CACNA1C: variants seen among roughly 807,000 people sequenced by gnomAD.
The protein encoded by CACNA1C is voltage-dependent L-type calcium channel subunit alpha-1C.
Under a neutral mutation model 229.0 loss-of-function variants are expected in CACNA1C, and 30 were observed. That is an observed-to-expected ratio of 0.13 (90% confidence interval 0.10 to 0.18). The LOEUF (loss-of-function observed/expected upper bound fraction) is 0.18, where lower values mean the gene tolerates loss of function less well. CACNA1C is among the 10% of genes least tolerant of loss of function. The pLI, the probability that CACNA1C is intolerant of heterozygous loss-of-function variation, is 1.00. For missense variants in CACNA1C, 1,658 were observed against 2,845.0 expected, an observed-to-expected ratio of 0.58 and a Z score of 9.49; for synonymous variants, 1,114 against 1,132.5, an observed-to-expected ratio of 0.98 and a Z score of 0.33.
At chr12:2,540,349 C>T (rs953304048) in intron 9 of CACNA1C, among the ~76,000 whole-genome samples, 9 of 151,950 alleles carry the variant, frequency 5.9e-5, no homozygotes, top group African/African-American at 1.9e-4. Context: ...AAATTCTCAC[C>T]GACTCCGGAG....
intron 1 of CACNA1C, among the ~76,000 whole-genome samples, chr12:2,100,356 A>G (rs1303969832): frequency 6.8e-6 from 1 of 146,834 alleles, no homozygotes; most frequent in East Asian, 2.1e-4. Context: ...TGAGGAAGGA[A>G]TTCCTTGAAG....
intron 3 of CACNA1C, among the ~76,000 whole-genome samples, chr12:2,322,825 G>A (rs914621680): frequency 9.2e-5 from 14 of 152,240 alleles, no homozygotes; most frequent in Non-Finnish European, 1.2e-4. Context: ...TACCTTGGAA[G>A]TTAAGTGGGT....
At chr12:2,171,292 G>C (rs1011177376) in intron 3 of CACNA1C, among the ~76,000 whole-genome samples, 3 of 152,104 alleles carry the variant, frequency 2.0e-5, no homozygotes, top group African/African-American at 7.2e-5. Flanking sequence ...ATTAAGCCTT[G>C]GACCTTTGTT....
intron 3 of CACNA1C, among the ~76,000 whole-genome samples, chr12:2,401,604 C>A (rs992279903): frequency 1.6e-4 from 25 of 152,222 alleles, no homozygotes; most frequent in African/African-American, 5.3e-4. Flanking sequence ...GCCAGACTGG[C>A]TGGTGTGATT....
In CACNA1C at chr12:2,053,254, T is replaced by G. The variant is rs917105761; in HGVS notation, c.-309T>G. ...TCTCGCCCTGCCTCTCCCGATTTAT[T>G]TTTTCAAATGGTGTAGCCGCCGGAG... is the stretch of plus-strand genomic sequence containing the variant. On this transcript the variant is annotated 5_prime_UTR_variant, in exon 1 of 47. The change creates a new upstream start codon in the 5' untranslated region. Transcript: ENST00000399655. The surrounding 1 kb of genome is among the most constrained non-coding windows in gnomAD (Gnocchi z 5.8). 1.7e-5 allele frequency: 18 copies of G among 1,067,384 alleles called. 1 individual carries two copies. The African/African-American group carries it at 2.7e-4, about 16-fold the overall frequency. 66.1% of individuals were successfully genotyped at this position (1,067,384 alleles called of 1,614,324 possible). A position where few individuals can be genotyped will look rare whatever the true frequency, so the allele number is the denominator to read the frequency against.
In CACNA1C at chr12:2,319,306, G is replaced by A. The variant is rs1308896870; in HGVS notation, c.478-129670G>A. Among the ~76,000 whole-genome samples, 4 of 151,990 alleles carry A rather than the reference G, an allele frequency of 2.6e-5. No homozygotes were observed. Among genetic ancestry groups the A allele is most frequent in the Admixed American group, 6.6e-5 (1 of 15,264 alleles). On this transcript the variant is annotated intron_variant, in intron 3 of 46. Coordinates refer to ENST00000399655, the MANE Select transcript of CACNA1C (RefSeq NM_000719.7). This position sits in a 1 kb window ranked among gnomAD's most constrained non-coding sequence, Gnocchi z 4.0. ...CTGTGGGGGCAGCGTGCATGAAGGC[G>A]GCATGCATGGGGGTGCCGTGCATGG...
At chr12:2,624,250 G>A (rs527245074) in intron 29 of CACNA1C, among the ~76,000 whole-genome samples, 1 of 152,348 alleles carries the variant, frequency 6.6e-6, no homozygotes, top group East Asian at 1.9e-4. Flanking sequence ...AGGTAAAACT[G>A]ACATTTAGTG....
At chr12:2,330,158 C>A (rs747637268) in intron 3 of CACNA1C, among the ~76,000 whole-genome samples, 8 of 152,136 alleles carry the variant, frequency 5.3e-5, no homozygotes, top group Admixed American at 1.3e-4. Flanking sequence ...TGCATCCTCC[C>A]GCCCTCTCAC....
intron 1 of CACNA1C, among the ~76,000 whole-genome samples, chr12:2,022,417 TTTTGG>T (rs954897179): frequency 2.3e-4 from 35 of 151,946 alleles, no homozygotes; most frequent in Non-Finnish European, 3.5e-4. Flanking sequence ...TGGGGTTTTG[TTTTGG>T]TTTGGTAATG....
chr12:2,165,293 C>G (rs1221222599), intron 3 of CACNA1C, among the ~76,000 whole-genome samples: 1 of 152,220 alleles, frequency 6.6e-6, no homozygotes, highest in Non-Finnish European at 1.5e-5. Flanking sequence ...TTTAACAAGA[C>G]ACTTCATTCT....
chr12:2,019,852 A>G (rs1391378354), intron 1 of CACNA1C: 3 of 152,160 alleles, frequency 2.0e-5, no homozygotes, highest in Non-Finnish European at 2.9e-5. Context: ...GTTTCTGTTT[A>G]TTTCTCATGT....
chr12:2,061,081 A>G (rs547278441), intron 1 of CACNA1C, among the ~76,000 whole-genome samples: 2 of 152,218 alleles, frequency 1.3e-5, no homozygotes, highest in African/African-American at 2.4e-5. Context: ...CTTGGGTCAC[A>G]TTCTTTGACT....
At chr12:2,017,942 A>G (rs2045680658) in intron 1 of CACNA1C, among the ~76,000 whole-genome samples, 1 of 152,226 alleles carries the variant, frequency 6.6e-6, no homozygotes, top group African/African-American at 2.4e-5. Flanking sequence ...ACTCAACACA[A>G]TACTATTGTG....
chr12:2,556,388 G>A (rs1568404022), intron 10 of CACNA1C, among the ~76,000 whole-genome samples: 1 of 152,174 alleles, frequency 6.6e-6, no homozygotes, highest in Admixed American at 6.5e-5. Context: ...GCGTGTGACC[G>A]TCAGCATCCT....
intron 6 of CACNA1C, among the ~76,000 whole-genome samples, chr12:2,490,461 C>G (rs572549914): frequency 6.6e-6 from 1 of 152,324 alleles, no homozygotes; most frequent in South Asian, 2.1e-4. Context: ...CAAGCTTCCC[C>G]TTCACTTTTT....
In CACNA1C at chr12:2,654,963, G is replaced by A. The variant is rs1462074897; in HGVS notation, c.4141-184G>A. ...GATTCTCATGCTTGTCCAGTGTAGGGATTTGGGCTCAGGGGCTGGGTGGGG... is the reference window on the plus strand; with the variant it reads ...GATTCTCATGCTTGTCCAGTGTAGGAATTTGGGCTCAGGGGCTGGGTGGGG... On this transcript the variant is annotated intron_variant, in intron 33 of 46. Coordinates refer to ENST00000399655, the MANE Select transcript of CACNA1C (RefSeq NM_000719.7). The surrounding 1 kb of genome is among the most constrained non-coding windows in gnomAD (Gnocchi z 4.4). Among the ~76,000 whole-genome samples the A allele has an allele frequency of 1.3e-5, 2 of 152,174 alleles. No homozygotes were observed. Among genetic ancestry groups the A allele is most frequent in the African/African-American group, 4.8e-5 (2 of 41,438 alleles).
At chr12:2,400,186 G>T (rs758958371) in intron 3 of CACNA1C, among the ~76,000 whole-genome samples, 2 of 152,132 alleles carry the variant, frequency 1.3e-5, no homozygotes, top group Admixed American at 6.5e-5. Context: ...ACTGAGGCTC[G>T]GGAAAGTTAA....
chr12:2,094,223 C>A (rs1203362616), intron 1 of CACNA1C, among the ~76,000 whole-genome samples: 2 of 152,148 alleles, frequency 1.3e-5, no homozygotes, highest in Non-Finnish European at 2.9e-5. Context: ...AGTGCATCCC[C>A]AAGGGTTAGG....
chr12:2,425,684 C>T (rs2099024468), intron 3 of CACNA1C, among the ~76,000 whole-genome samples: 1 of 152,144 alleles, frequency 6.6e-6, no homozygotes, highest in East Asian at 1.9e-4. Context: ...TCATTTCCAG[C>T]CTGGGCTTCA....
Sources: allele counts gnomAD v4.1 joint callset (sites outside exome capture counted in the v4.1 genomes callset), GRCh38; gene constraint gnomAD v4.1.1; non-coding constraint Gnocchi (gnomAD v3.1); transcripts MANE v1.5; gene names NCBI Gene and HGNC (gene_info 2026-07-23, HGNC 2026-07-21).